The following GABRG2 variants were observed in gnomAD, a reference collection of about 807,000 sequenced individuals.
GABRG2 encodes gamma-aminobutyric acid receptor subunit gamma-2.
In GABRG2, 16 loss-of-function variants were observed where a neutral mutation model predicts 56.4. The observed-to-expected ratio is 0.28, with a 90% CI of 0.19 to 0.43. The LOEUF is 0.43. Among genes scored for constraint, GABRG2 ranks in the 20% least tolerant of loss-of-function variants. GABRG2 has a pLI of 1.00. For synonymous variants in GABRG2, 208 were observed against 205.5 expected (o/e 1.01, Z -0.10); for missense variants, 327 against 582.7 (o/e 0.56, Z 4.52).
intron 1 of GABRG2, among the ~76,000 whole-genome samples, chr5:162,091,925 G>T (rs1465681793): frequency 6.6e-6 from 1 of 152,092 alleles, no homozygotes; most frequent in Non-Finnish European, 1.5e-5. Flanking sequence ...GAAAGAGAGA[G>T]AGAGAGATTT....
At chr5:162,116,342 T>A (rs1210543731) in intron 6 of GABRG2, among the ~76,000 whole-genome samples, 3 of 151,904 alleles carry the variant, frequency 2.0e-5, no homozygotes, top group African/African-American at 7.3e-5. Flanking sequence ...GACAATGCTA[T>A]GGTAACAAAT....
chr5:162,126,370 G>A (rs1197567093), intron 6 of GABRG2, among the ~76,000 whole-genome samples: 1 of 151,952 alleles, frequency 6.6e-6, no homozygotes, highest in Non-Finnish European at 1.5e-5. Flanking sequence ...GTGGGTCCCT[G>A]ATAAATGGAA....
intron 6 of GABRG2, among the ~76,000 whole-genome samples, chr5:162,141,251 A>T (rs990792175): frequency 1.3e-5 from 2 of 152,026 alleles, no homozygotes; most frequent in African/African-American, 2.4e-5. Context: ...GTTAGCCAGG[A>T]TGGTCTCGAT....
At chr5:162,103,820 A>G in intron 5 of GABRG2, 69 bp from the exon 6 acceptor site, 8 of 1,549,888 alleles carry the variant, frequency 5.2e-6, no homozygotes, top group Admixed American at 1.7e-5. Flanking sequence ...TGTCATGTTC[A>G]TAGAAGATGG....
chr5:162,152,502 C>A, intron 9 of GABRG2: 1 of 450,758 alleles, frequency 2.2e-6, no homozygotes, highest in Non-Finnish European at 4.4e-6. Context: ...TGTTGACATT[C>A]TTAAGCTTAT....
chr5:162,104,058 C>A, intron 6 of GABRG2, 32 bp downstream of exon 6: 1 of 1,612,248 alleles, frequency 6.2e-7, no homozygotes, highest in Non-Finnish European at 8.5e-7. Flanking sequence ...TTTCAAGTGA[C>A]CCTTCCAGAG....
chr5:162,124,494 G>A (rs561959145), intron 6 of GABRG2, among the ~76,000 whole-genome samples: 6 of 151,780 alleles, frequency 4.0e-5, no homozygotes, highest in African/African-American at 7.2e-5. Flanking sequence ...AGGCCCTCCC[G>A]AGAAAAAGGA....
At chr5:162,123,707 A>G (rs1763128436) in intron 6 of GABRG2, among the ~76,000 whole-genome samples, 1 of 151,844 alleles carries the variant, frequency 6.6e-6, no homozygotes, top group Admixed American at 6.6e-5. Flanking sequence ...TCATTGTAGT[A>G]GCTATGAGGA....
chr5:162,124,934 TGCTGTTCTTTCTGGTATAAAGA>T (rs1408953784), intron 6 of GABRG2, among the ~76,000 whole-genome samples: 1 of 150,346 alleles, frequency 6.7e-6, no homozygotes, highest in Non-Finnish European at 1.5e-5. Flanking sequence ...ATGCAGTTTT[TGCTGTTCTTTCTGGTATAAAGA>T]GATGTGTGTG....
chr5:162,149,262 T>C lies in GABRG2; in HGVS notation c.1077T>C (p.Phe359=), dbSNP rs750277181. The change falls in exon 8 of 10, where the codon TTT becomes TTC. Residue 359 remains phenylalanine, a synonymous_variant. Coordinates refer to ENST00000639213, the MANE Select transcript of GABRG2 (RefSeq NM_198904.4). ...TGGAGTATGGCACCTTGCATTATTT[T>C]GTCAGCAACCGGAAACCAAGCAAGG... The part of the protein sequence containing the change: ...ALVEYGTLHY[F]VSNRKPSKDK... 1.2e-6 allele frequency: 2 copies of C among 1,614,172 alleles called. 1 individual carries two copies. Among genetic ancestry groups the C allele is most frequent in the South Asian group, 2.2e-5 (2 of 91,078 alleles).
intron 1 of GABRG2, among the ~76,000 whole-genome samples, chr5:162,079,709 C>G (rs1304925044): frequency 6.6e-6 from 1 of 151,874 alleles, no homozygotes; most frequent in South Asian, 2.1e-4. Context: ...ATTTACTTCC[C>G]TTATTGATTC....
chr5:162,114,755 A>G (rs984809286), intron 6 of GABRG2, among the ~76,000 whole-genome samples: 3 of 152,192 alleles, frequency 2.0e-5, no homozygotes, highest in Admixed American at 2.0e-4. Context: ...TATCTAACAT[A>G]AGCAATGTTA....
At chr5:162,117,954 T>A (rs761991225) in intron 6 of GABRG2, among the ~76,000 whole-genome samples, 37 of 152,126 alleles carry the variant, frequency 2.4e-4, no homozygotes, top group Non-Finnish European at 4.7e-4. Context: ...AGACACCGTG[T>A]TACGCGCTTC....
At chr5:162,082,696 T>C (rs1174173833) in intron 1 of GABRG2, among the ~76,000 whole-genome samples, 1 of 151,712 alleles carries the variant, frequency 6.6e-6, no homozygotes, top group Non-Finnish European at 1.5e-5. Context: ...ATTTCTATAA[T>C]CTGGAGTATT....
chr5:162,101,005 A>G (rs546982534), intron 4 of GABRG2, among the ~76,000 whole-genome samples: 21 of 152,302 alleles, frequency 1.4e-4, no homozygotes, highest in Admixed American at 2.0e-4. Context: ...TTCAATAAAT[A>G]TAGTTGAGGT....
In GABRG2 at chr5:162,154,796, G is replaced by A. The variant is rs367974933; in HGVS notation, c.*1428G>A. 24 of 150,796 alleles carry A rather than the reference G, an allele frequency of 1.6e-4. No individual in the cohort carries two copies. Among genetic ancestry groups the A allele is most frequent in the East Asian group, 7.8e-4 (4 of 5,120 alleles). The allele number at this position is 150,796 out of a possible 1,614,324, so 9.3% of individuals were successfully genotyped here. On this transcript the variant is annotated 3_prime_UTR_variant, in exon 10 of 10. Coordinates refer to ENST00000639213, the MANE Select transcript of GABRG2 (RefSeq NM_198904.4). The stretch of plus-strand genomic sequence containing the variant: ...GTGTTCAGAATGTAGCATTCTGTGC[G>A]AAAAAGTATTGAAGATTAGCTTTTA...
chr5:162,081,522 C>T (rs1327093155), intron 1 of GABRG2, among the ~76,000 whole-genome samples: 1 of 151,890 alleles, frequency 6.6e-6, no homozygotes, highest in Non-Finnish European at 1.5e-5. Flanking sequence ...ATCCTTTACT[C>T]CTTAAAACTG....
intron 1 of GABRG2, among the ~76,000 whole-genome samples, chr5:162,088,460 G>A (rs1581329414): frequency 1.3e-5 from 2 of 152,278 alleles, no homozygotes; most frequent in Non-Finnish European, 1.5e-5. Flanking sequence ...CATCCATTAC[G>A]TTAAATTGCA....
chr5:162,088,288 C>T (rs1760288651), intron 1 of GABRG2, among the ~76,000 whole-genome samples: 1 of 152,128 alleles, frequency 6.6e-6, no homozygotes. Context: ...TGAGGATGTA[C>T]ACTCACCTAC....
Sources: allele counts gnomAD v4.1 joint callset (sites outside exome capture counted in the v4.1 genomes callset), GRCh38; gene constraint gnomAD v4.1.1; transcripts MANE v1.5; gene names NCBI Gene and HGNC (gene_info 2026-07-23, HGNC 2026-07-21).